PDE1A: variants seen among roughly 807,000 people sequenced by gnomAD.
The protein encoded by PDE1A is dual specificity calcium/calmodulin-dependent 3',5'-cyclic nucleotide phosphodiesterase 1A.
Under a neutral mutation model 61.7 loss-of-function variants are expected in PDE1A, and 35 were observed. The ratio of observed to expected loss-of-function variants is 0.57; its 90% confidence interval spans 0.43 to 0.75. The LOEUF (loss-of-function observed/expected upper bound fraction) is 0.75, where lower values mean the gene tolerates loss of function less well. Among genes scored for constraint, PDE1A ranks in the 30% least tolerant of loss-of-function variants. PDE1A has a pLI of 0.00. For missense variants in PDE1A, 597 were observed against 630.6 expected (o/e 0.95, Z 0.57); for synonymous variants, 232 against 213.2 (o/e 1.09, Z -0.77).
the PDE1A span, among the ~76,000 whole-genome samples, chr2:182,628,922 A>T: frequency 9.0e-4 from 137 of 152,182 alleles, 1 homozygote; most frequent in African/African-American, 3.3e-3. Flanking sequence ...ATGGTATGGG[A>T]TGTCAGTCTT....
intron 1 of PDE1A, among the ~76,000 whole-genome samples, chr2:182,323,314 C>CA (rs1178031892): frequency 6.6e-6 from 1 of 152,018 alleles, no homozygotes. Flanking sequence ...AACAGACAAA[C>CA]AAAAAACTCC....
chr2:182,267,591 A>T (rs1392586709), intron 1 of PDE1A, among the ~76,000 whole-genome samples: 7 of 152,102 alleles, frequency 4.6e-5, no homozygotes, highest in Non-Finnish European at 1.0e-4. Context: ...TTTACATAAA[A>T]AGGAAAACCT....
chr2:182,442,636 T>G (rs1015871339), intron 2 of PDE1A, among the ~76,000 whole-genome samples: 7 of 152,066 alleles, frequency 4.6e-5, no homozygotes, highest in African/African-American at 1.7e-4. Context: ...ATAAAGAGAA[T>G]AAAGACAATG....
chr2:182,352,422 A>G (rs1210599895), intron 1 of PDE1A, among the ~76,000 whole-genome samples: 1 of 152,214 alleles, frequency 6.6e-6, no homozygotes, highest in Non-Finnish European at 1.5e-5. Context: ...GCCAGCATCC[A>G]TGATGCCTTA....
At chr2:182,349,011 G>A (rs1033834947) in intron 1 of PDE1A, among the ~76,000 whole-genome samples, 2 of 152,048 alleles carry the variant, frequency 1.3e-5, no homozygotes, top group Admixed American at 6.6e-5. Flanking sequence ...ATATTAATAG[G>A]CATCTCCAAT....
chr2:182,271,551 C>T (rs569048883), intron 1 of PDE1A, among the ~76,000 whole-genome samples: 18 of 152,136 alleles, frequency 1.2e-4, no homozygotes, highest in South Asian at 4.1e-4. Flanking sequence ...AAGAGTTCCT[C>T]GTAAGTACAG....
At chr2:182,351,371 T>A (rs145908003) in intron 1 of PDE1A, among the ~76,000 whole-genome samples, 162 of 152,308 alleles carry the variant, frequency 1.1e-3, no homozygotes, top group Middle Eastern at 6.8e-3. Flanking sequence ...TTTGTTTTTA[T>A]CCAAATGTCT....
chr2:182,336,856 G>A (rs1697859498), intron 1 of PDE1A, among the ~76,000 whole-genome samples: 1 of 151,402 alleles, frequency 6.6e-6, no homozygotes, highest in South Asian at 2.1e-4. Flanking sequence ...GTTGGGGGTA[G>A]GGTGTGAGGG....
chr2:182,320,086 C>A (rs559091020), intron 1 of PDE1A, among the ~76,000 whole-genome samples: 1 of 152,296 alleles, frequency 6.6e-6, no homozygotes, highest in Admixed American at 6.5e-5. Context: ...TACAAGTCGT[C>A]TTGGCTCATA....
At chr2:182,343,528 G>GTCA (rs1698330255) in intron 1 of PDE1A, among the ~76,000 whole-genome samples, 1 of 152,078 alleles carries the variant, frequency 6.6e-6, no homozygotes, top group African/African-American at 2.4e-5. Flanking sequence ...TAGAAAATTT[G>GTCA]TCATTAAAAT....
the PDE1A span, among the ~76,000 whole-genome samples, chr2:182,552,643 A>T: frequency 3.4e-3 from 524 of 152,100 alleles, 1 homozygote; most frequent in Non-Finnish European, 5.5e-3. Flanking sequence ...CGCCCAACCA[A>T]TCAGAGCGCT....
At chr2:182,232,248 G>A (rs1689645209) in intron 4 of PDE1A, among the ~76,000 whole-genome samples, 1 of 152,140 alleles carries the variant, frequency 6.6e-6, no homozygotes, top group Non-Finnish European at 1.5e-5. Flanking sequence ...TCATGATTTT[G>A]CTTTGAAAAT....
chr2:182,349,782 A>G lies in PDE1A; in HGVS notation c.53+76796T>C, dbSNP rs183946152. Among the ~76,000 whole-genome samples the G allele has an allele frequency of 2.4e-3, 366 of 152,256 alleles. 3 individuals carry two copies. Among genetic ancestry groups the G allele is most frequent in the African/African-American group, 8.6e-3 (358 of 41,562 alleles). The stretch of plus-strand genomic sequence containing the variant: ...TCAAAACAAAAACAAAAACAAAAGC[A>G]CACAAACATAAAGACACACGCAAAC... On this transcript the variant is annotated intron_variant, in intron 1 of 13. Coordinates refer to ENST00000351439, the Ensembl canonical transcript of PDE1A.
At chr2:182,471,811 A>T (rs1687046666) in intron 2 of PDE1A, among the ~76,000 whole-genome samples, 2 of 151,910 alleles carry the variant, frequency 1.3e-5, no homozygotes, top group South Asian at 4.1e-4. Flanking sequence ...AGAAAGAGAA[A>T]ATATTTCCAA....
chr2:182,266,491 C>T (rs1692642065), intron 1 of PDE1A, among the ~76,000 whole-genome samples: 1 of 152,182 alleles, frequency 6.6e-6, no homozygotes, highest in Admixed American at 6.6e-5. Flanking sequence ...GTGAAAATTA[C>T]TTGAGTTCAG....
chr2:182,257,428 T>TA (rs1691900663), intron 2 of PDE1A, among the ~76,000 whole-genome samples: 1 of 152,186 alleles, frequency 6.6e-6, no homozygotes, highest in Non-Finnish European at 1.5e-5. Flanking sequence ...TTTTGTTTTA[T>TA]AAAAAATACT....
chr2:182,561,322 C>A, the PDE1A span, among the ~76,000 whole-genome samples: 4 of 152,064 alleles, frequency 2.6e-5, no homozygotes, highest in Non-Finnish European at 5.9e-5. Context: ...AATCCTTTCC[C>A]CATTGCTTGT....
At chr2:182,585,903 T>G in the PDE1A span, among the ~76,000 whole-genome samples, 2 of 152,168 alleles carry the variant, frequency 1.3e-5, no homozygotes, top group Admixed American at 6.5e-5. Context: ...TTTTGAAAGG[T>G]GATTTGACTT....
intron 6 of PDE1A, among the ~76,000 whole-genome samples, chr2:182,229,316 T>C (rs564388416): frequency 5.3e-5 from 8 of 152,248 alleles, no homozygotes; most frequent in Non-Finnish European, 1.0e-4. Flanking sequence ...AAATCTCACA[T>C]GGCCTGCTCC....
Sources: allele counts gnomAD v4.1 joint callset (sites outside exome capture counted in the v4.1 genomes callset), GRCh38; gene constraint gnomAD v4.1.1; transcripts MANE v1.5; gene names NCBI Gene and HGNC (gene_info 2026-07-23, HGNC 2026-07-21).